The following ASAH1 variants were observed in gnomAD, a reference collection of about 807,000 sequenced individuals.
ASAH1 encodes the protein acid ceramidase.
A neutral mutation model predicts 59.5 loss-of-function variants in ASAH1; 70 were observed. That is an observed-to-expected ratio of 1.18 (90% confidence interval 0.97 to 1.43). The LOEUF (loss-of-function observed/expected upper bound fraction) is 1.43. ASAH1 is among the 40% of genes most tolerant of loss of function. ASAH1 has a pLI of 0.00. For missense variants in ASAH1, 660 were observed against 482.5 expected, an observed-to-expected ratio of 1.37 and a Z score of -3.45; for synonymous variants, 213 against 166.5, an observed-to-expected ratio of 1.28 and a Z score of -2.15.
At chr8:18,083,858 C>A in intron 1 of ASAH1, 123 bp downstream of exon 1, 7 of 1,516,564 alleles carry the variant, frequency 4.6e-6, no homozygotes, top group Non-Finnish European at 5.3e-6. Context: ...AAACCACAGA[C>A]CCCCGTAAAG....
At chr8:18,080,940 C>A (rs1589007348) in intron 1 of ASAH1, among the ~76,000 whole-genome samples, 1 of 152,128 alleles carries the variant, frequency 6.6e-6, no homozygotes, top group South Asian at 2.1e-4. Context: ...GTTCTCTTTT[C>A]TTCTCTTTCT....
chr8:18,079,874 G>C lies in ASAH1; in HGVS notation c.78+4107C>G, dbSNP rs971901009. Reference sequence around the variant, plus strand: ...CGTGTACAAGAATTCACATGAGCTTGAAAATGTTTTCACTTGTCTTCTGGG... The same window carrying C: ...CGTGTACAAGAATTCACATGAGCTTCAAAATGTTTTCACTTGTCTTCTGGG... On this transcript the variant is annotated intron_variant, in intron 1 of 13. Transcript: ENST00000637790. Among the ~76,000 whole-genome samples, 5 of 152,326 alleles carry C rather than the reference G, an allele frequency of 3.3e-5. No homozygotes were observed. In the East Asian group the frequency reaches 9.6e-4, roughly 29 times the overall value.
chr8:18,071,212 A>C lies in ASAH1; in HGVS notation c.216+88T>G, dbSNP rs1564546715. On this transcript the variant is annotated intron_variant, in intron 3 of 13. Coordinates refer to ENST00000637790, the MANE Select transcript of ASAH1 (RefSeq NM_177924.5). ...ACAGAGTGAGACTCTGTCTCAAAAC[A>C]AAAAAAAAATCAATCAATAAATAAA... The C allele has an allele frequency of 1.5e-5, 8 of 548,278 alleles. No homozygotes were observed. The South Asian group carries it at 2.4e-4, about 16-fold the overall frequency. 34.0% of individuals were successfully genotyped at this position (548,278 alleles called of 1,614,324 possible).
Position 18,057,516 on chromosome 8 carries a change from T to G in ASAH1, c.*18A>C, listed in dbSNP as rs1799521624. The G allele has an allele frequency of 6.3e-7, 1 of 1,576,260 alleles. No individual in the cohort carries two copies. Among genetic ancestry groups the G allele is most frequent in the South Asian group, 1.1e-5 (1 of 90,546 alleles). On this transcript the variant is annotated 3_prime_UTR_variant, in exon 14 of 14. Coordinates refer to ENST00000637790, the MANE Select transcript of ASAH1 (RefSeq NM_177924.5). ...TCTTCATGTCTCAGAGGCCGCATTC[T>G]GTAGGCCAGACGTGTGCTCACCAAC...
At chr8:18,071,457 C>G (rs947633420) in intron 2 of ASAH1, 67 bp from the exon 3 acceptor site, 20 of 1,050,368 alleles carry the variant, frequency 1.9e-5, no homozygotes, top group Non-Finnish European at 2.9e-5. Flanking sequence ...TTAGATACAT[C>G]TATAAGAATA....
In ASAH1 at chr8:18,058,778, A is replaced by T. The variant is rs1799569705; in HGVS notation, c.1098+57T>A. The T allele has an allele frequency of 1.2e-5, 17 of 1,455,998 alleles. No homozygotes were observed. In the South Asian group the frequency reaches 1.5e-4, roughly 13 times the overall value. 90.2% of individuals were successfully genotyped at this position (1,455,998 alleles called of 1,614,324 possible). ...GATCAAAGATAACAGAGAAAGATAA[A>T]ACATAGGGCCAAATTCTTTCCCTAA... On this transcript the variant is annotated intron_variant, in intron 13 of 13. Transcript: ENST00000637790.
intron 1 of ASAH1, 70 bp from the exon 2 acceptor site, chr8:18,075,657 G>A (rs1436011678): frequency 7.0e-7 from 1 of 1,430,302 alleles, no homozygotes; most frequent in East Asian, 2.3e-5. Flanking sequence ...AATTTCAAAA[G>A]TAGTTAATCT....
chr8:18,083,785 T>C (rs1164880032), intron 1 of ASAH1, 196 bp downstream of exon 1: 10 of 1,098,792 alleles, frequency 9.1e-6, no homozygotes, highest in East Asian at 2.6e-5. Context: ...TAGTTGCAGG[T>C]AGCACCGAAT....
At chr8:18,082,251 T>C (rs890850688) in intron 1 of ASAH1, among the ~76,000 whole-genome samples, 1 of 152,114 alleles carries the variant, frequency 6.6e-6, no homozygotes, top group Non-Finnish European at 1.5e-5. Context: ...CTTCTGAAAA[T>C]AGCTATCAAA....
chr8:18,075,633 C>T (rs1800373308), intron 1 of ASAH1, 46 bp from the exon 2 acceptor site: 2 of 1,578,336 alleles, frequency 1.3e-6, no homozygotes, highest in Non-Finnish European at 1.7e-6. Flanking sequence ...CAAATGCTTG[C>T]CAACGGAATA....
rs1478457972 is a variant in ASAH1 at position 18,083,985 on chromosome 8, G to A, written c.74C>T (p.Pro25Leu). The A allele has an allele frequency of 1.3e-6, 2 of 1,597,778 alleles. No homozygotes were observed. Among genetic ancestry groups the A allele is most frequent in the East Asian group, 2.2e-5 (1 of 44,842 alleles). ...CCTCGGCTCAAGCTCACTCACCGGC[G>A]GCGCGTGCTGCGCGACGGCACAGCT... ...AVSCAVAQHAPPWTEDCRKST... is the reference protein window; with the variant it reads ...AVSCAVAQHALPWTEDCRKST... The change falls in exon 1 of 14, where the codon CCG becomes CTG. Residue 25 changes from proline (P) to leucine (L), a missense_variant. By Grantham distance (98) the Pro-to-Leu change is moderately conservative (BLOSUM62 -3). Coordinates refer to ENST00000637790, the MANE Select transcript of ASAH1 (RefSeq NM_177924.5).
rs1799569618 is a variant in ASAH1, at chr8:18,058,775, T to C, written c.1098+60A>G. The stretch of plus-strand genomic sequence containing the variant: ...ACTGATCAAAGATAACAGAGAAAGA[T>C]AAAACATAGGGCCAAATTCTTTCCC... On this transcript the variant is annotated intron_variant, in intron 13 of 13. Coordinates refer to ENST00000637790, the MANE Select transcript of ASAH1 (RefSeq NM_177924.5). The C allele has an allele frequency of 1.3e-5, 18 of 1,432,886 alleles. No individual in the cohort carries two copies. The Admixed American group carries it at 2.3e-4, about 19-fold the overall frequency. 88.8% of individuals were successfully genotyped at this position (1,432,886 alleles called of 1,614,324 possible).
intron 1 of ASAH1, among the ~76,000 whole-genome samples, chr8:18,079,821 C>G (rs1800578279): frequency 1.3e-5 from 2 of 152,174 alleles, no homozygotes; most frequent in Non-Finnish European, 2.9e-5. Context: ...TCAGCAGAAA[C>G]ACTGAATACA....
upstream of ASAH1, chr8:18,084,799 C>G (rs1459283209): frequency 1.2e-6 from 2 of 1,613,248 alleles, no homozygotes; most frequent in Non-Finnish European, 1.7e-6. Context: ...TGCAGCAGTT[C>G]ATTAAGCGGC....
chr8:18,064,700 C>T, intron 5 of ASAH1, 169 bp from the exon 6 acceptor site: 2 of 586,626 alleles, frequency 3.4e-6, no homozygotes, highest in South Asian at 4.4e-5. Flanking sequence ...CCTGGACTCT[C>T]TAGACTCAAG....
chr8:18,084,135 C>G (rs1800789243), upstream of ASAH1: 2 of 1,576,124 alleles, frequency 1.3e-6, no homozygotes, highest in Admixed American at 1.8e-5. Context: ...GCAGGCCACG[C>G]CCCCTCCGCC....
chr8:18,074,414 G>T (rs139413452), intron 2 of ASAH1, among the ~76,000 whole-genome samples: 1 of 152,146 alleles, frequency 6.6e-6, no homozygotes, highest in African/African-American at 2.4e-5. Context: ...ACAGTTTCAC[G>T]CTATCTGGGA....
At chr8:18,062,452 CA>C (rs1245741377) in intron 7 of ASAH1, 29 bp from the exon 8 acceptor site, 9 of 1,612,318 alleles carry the variant, frequency 5.6e-6, no homozygotes, top group Non-Finnish European at 7.6e-6. Flanking sequence ...AGTGACATTT[CA>C]GAAACACAGT....
intron 1 of ASAH1, 123 bp from the exon 2 acceptor site, chr8:18,075,710 C>T (rs1339646671): frequency 2.4e-6 from 2 of 822,808 alleles, no homozygotes; most frequent in Admixed American, 4.2e-5. Context: ...TTATACGTTT[C>T]AATGCCTCTT....
Sources: allele counts gnomAD v4.1 joint callset (sites outside exome capture counted in the v4.1 genomes callset), GRCh38; gene constraint gnomAD v4.1.1; transcripts MANE v1.5; gene names NCBI Gene and HGNC (gene_info 2026-07-23, HGNC 2026-07-21).